The following VAV2 variants were observed in gnomAD, a reference collection of about 807,000 sequenced individuals.
VAV2 encodes guanine nucleotide exchange factor VAV2.
VAV2 carries 67 observed loss-of-function variants against 132.5 expected under a neutral mutation model. The observed-to-expected ratio is 0.51, with a 90% CI of 0.42 to 0.62. VAV2 has a LOEUF of 0.62. Ranked by LOEUF, VAV2 falls within the 20% of genes least tolerant of loss-of-function variation. The pLI is 0.00. For missense variants in VAV2, 938 were observed against 1,153.6 expected (o/e 0.81, Z 2.71); for synonymous variants, 492 against 443.5 (o/e 1.11, Z -1.37).
At chr9:133,835,923 C>T (rs1423295216) in intron 3 of VAV2, among the ~76,000 whole-genome samples, 1 of 152,164 alleles carries the variant, frequency 6.6e-6, no homozygotes, top group Non-Finnish European at 1.5e-5. Context: ...CAGGCCTGAC[C>T]TCTGCATGGG....
At chr9:133,872,233 AAGGGGC>A (rs58467757) in intron 2 of VAV2, among the ~76,000 whole-genome samples, 24,444 of 151,846 alleles carry the variant, frequency 0.16, 2,438 homozygotes, top group African/African-American at 0.29. Context: ...GAAGAGAAGA[AAGGGGC>A]AGGGGCAGGG....
chr9:133,967,933 C>CAAAAAA (rs34152925), intron 1 of VAV2, among the ~76,000 whole-genome samples: 2 of 71,360 alleles, frequency 2.8e-5, no homozygotes, highest in African/African-American at 5.8e-5. Flanking sequence ...ACTCTATAAC[C>CAAAAAA]AAAAAAAAAA....
In VAV2 at chr9:133,783,496, T is replaced by C. The variant is rs1588168134; in HGVS notation, c.1723+7A>G. On this transcript the variant is annotated splice_region_variant and intron_variant, in intron 19 of 29. Coordinates refer to ENST00000371850, the MANE Select transcript of VAV2 (RefSeq NM_001134398.2). ...GACTGGGGTGGGGGGGTGAGGGGGGTACTCACTGAACTTGCAGGGAGGTAT... is the reference window on the plus strand; with the variant it reads ...GACTGGGGTGGGGGGGTGAGGGGGGCACTCACTGAACTTGCAGGGAGGTAT... The C allele has an allele frequency of 3.3e-6, 5 of 1,527,754 alleles. No individual in the cohort carries two copies. In the African/African-American group the frequency reaches 5.7e-5, roughly 17 times the overall value. The allele number at this position is 1,527,754 out of a possible 1,614,324, so 94.6% of individuals were successfully genotyped here.
rs151056577 is a variant in VAV2, at chr9:133,859,814, C to T, written c.380+1560G>A. On this transcript the variant is annotated intron_variant, in intron 3 of 29. Transcript: ENST00000371850. Reference sequence around the variant, plus strand: ...TAAAAACAATTAAACATGTTTTAAACGGTGCCTATTACAGACTTTGCACCA... The same window carrying T: ...TAAAAACAATTAAACATGTTTTAAATGGTGCCTATTACAGACTTTGCACCA... 2.9e-4 allele frequency among the ~76,000 whole-genome samples: 44 copies of T among 152,252 alleles called. 1 individual carries two copies. In the East Asian group the frequency reaches 7.5e-3, roughly 26 times the overall value.
intron 2 of VAV2, among the ~76,000 whole-genome samples, chr9:133,906,715 C>A (rs1376529116): frequency 6.6e-6 from 1 of 152,220 alleles, no homozygotes; most frequent in Non-Finnish European, 1.5e-5. Context: ...CAGAACCTGG[C>A]ACAGCTCACA....
intron 2 of VAV2, among the ~76,000 whole-genome samples, chr9:133,872,329 A>T (rs1161484758): frequency 1.3e-5 from 2 of 152,162 alleles, no homozygotes; most frequent in Non-Finnish European, 2.9e-5. Flanking sequence ...CCATGTTTCC[A>T]TGGCTGTGCT....
chr9:133,951,248 G>A (rs963933778), intron 1 of VAV2, among the ~76,000 whole-genome samples: 4 of 152,232 alleles, frequency 2.6e-5, no homozygotes, highest in East Asian at 1.9e-4. Context: ...CCAGCCATGC[G>A]ACAGCAAAGT....
intron 1 of VAV2, among the ~76,000 whole-genome samples, chr9:133,982,275 G>A (rs536335923): frequency 5.3e-5 from 8 of 152,292 alleles, no homozygotes; most frequent in African/African-American, 1.4e-4. Flanking sequence ...ACGGCCGGCC[G>A]GCAGGAGGGT....
At chr9:133,870,336 C>T (rs377004567) in intron 2 of VAV2, among the ~76,000 whole-genome samples, 79 of 152,190 alleles carry the variant, frequency 5.2e-4, no homozygotes, top group African/African-American at 1.7e-3. Context: ...GCCACTCACT[C>T]GAGCCAGGCA....
rs200002607 is a variant in VAV2, at chr9:133,789,221, G to A, written c.1274+37C>T. On this transcript the variant is annotated intron_variant, in intron 14 of 29. Transcript: ENST00000371850. ...CTGGGAGGGAGAGCCAGACCCTGGC[G>A]GGACGCCACCCAGCCCACAACACGC... The A allele has an allele frequency of 7.5e-5, 120 of 1,609,122 alleles. 1 individual carries two copies. Among genetic ancestry groups the A allele is most frequent in the African/African-American group, 6.3e-4 (47 of 74,894 alleles).
Position 133,769,398 on chromosome 9 carries a change from C to T in VAV2, c.2434+19G>A, listed in dbSNP as rs773863888. ...CTGCCACAGGCCCGGTCCCCCCACG[C>T]CCTGGGGAGCAGCGGTACCTGACCA... On this transcript the variant is annotated intron_variant, in intron 28 of 29. Transcript: ENST00000371850. The surrounding 1 kb of genome is among the most constrained non-coding windows in gnomAD (Gnocchi z 8.1). 2 of 1,603,520 alleles carry T rather than the reference C, an allele frequency of 1.2e-6. No homozygotes were observed. Among genetic ancestry groups the T allele is most frequent in the East Asian group, 4.5e-5 (2 of 44,500 alleles).
chr9:133,823,874 C>T lies in VAV2; in HGVS notation c.449+10398G>A, dbSNP rs1018444702. Among the ~76,000 whole-genome samples the T allele has an allele frequency of 1.3e-4, 20 of 152,310 alleles. No individual in the cohort carries two copies. The South Asian group carries it at 2.3e-3, about 17-fold the overall frequency. ...CAGGCCATACCTGCTCACACACACA[C>T]GGGAATGCGGAGCGGGCAGGGTGGT... On this transcript the variant is annotated intron_variant, in intron 4 of 29. Coordinates refer to ENST00000371850, the MANE Select transcript of VAV2 (RefSeq NM_001134398.2). The surrounding 1 kb of genome is among the most constrained non-coding windows in gnomAD (Gnocchi z 5.5).
At chr9:133,785,675 G>A (rs1256442518) in intron 17 of VAV2, 101 bp downstream of exon 17, 10 of 1,147,692 alleles carry the variant, frequency 8.7e-6, no homozygotes, top group East Asian at 2.5e-5. Context: ...GCCTCCCACC[G>A]CCCCTGGTCT....
intron 1 of VAV2, among the ~76,000 whole-genome samples, chr9:133,987,171 A>T (rs148199312): frequency 2.7e-4 from 41 of 152,294 alleles, no homozygotes; most frequent in African/African-American, 9.6e-4. Flanking sequence ...TGCTCCAGAC[A>T]CACTGGGTCT....
chr9:133,909,887 T>A (rs1240625373), intron 2 of VAV2, among the ~76,000 whole-genome samples: 1 of 152,204 alleles, frequency 6.6e-6, no homozygotes, highest in Admixed American at 6.5e-5. Context: ...CCACTCACTC[T>A]CTGTCCTTCG....
At position 133,888,930 on chromosome 9, in the gene VAV2, A is replaced by G. The variant is rs370913896; in HGVS notation, c.322-27498T>C. ...GCTGGGCCCTGGCGGACAGCCCGTC[A>G]TTCGCATTCGCAAGGAGACGACACG... On this transcript the variant is annotated intron_variant, in intron 2 of 29. Transcript: ENST00000371850. Among the ~76,000 whole-genome samples the G allele has an allele frequency of 7.2e-4, 110 of 152,338 alleles. 1 individual carries two copies. The highest frequency in any genetic ancestry group is 2.1e-3 in the African/African-American group (87 of 41,580).
At chr9:133,898,225 G>A (rs538425834) in intron 2 of VAV2, among the ~76,000 whole-genome samples, 8 of 152,210 alleles carry the variant, frequency 5.3e-5, no homozygotes, top group Middle Eastern at 3.4e-3. Flanking sequence ...ACCGGCAGCC[G>A]ACAGGGTGGC....
At chr9:133,957,195 C>T (rs1481812856) in intron 1 of VAV2, among the ~76,000 whole-genome samples, 1 of 152,168 alleles carries the variant, frequency 6.6e-6, no homozygotes, top group Non-Finnish European at 1.5e-5. Flanking sequence ...CTCCCCTGTA[C>T]CAGCTGCTGC....
chr9:133,801,424 A>G (rs1189514515), intron 9 of VAV2, among the ~76,000 whole-genome samples: 1 of 152,190 alleles, frequency 6.6e-6, no homozygotes, highest in Non-Finnish European at 1.5e-5. Context: ...GCGAATGCAC[A>G]TGGCTCTCAA....
Sources: gnomAD v4.1 joint callset for allele counts (sites outside exome capture counted in the v4.1 genomes callset) on GRCh38, gnomAD v4.1.1 for gene constraint, Gnocchi (gnomAD v3.1) non-coding constraint, MANE v1.5 for transcripts, NCBI Gene and HGNC (gene_info 2026-07-23, HGNC 2026-07-21) for gene names.